Variants in FYTTD1 observed in about 807,000 individuals in gnomAD.
FYTTD1 encodes the protein forty-two-three domain containing 1.
A neutral mutation model predicts 40.9 loss-of-function variants in FYTTD1; 22 were observed. The ratio of observed to expected loss-of-function variants is 0.54; its 90% CI spans 0.38 to 0.77. FYTTD1 has a LOEUF of 0.77. FYTTD1 is among the 30% of genes least tolerant of loss of function. FYTTD1 has a pLI of 0.00. For synonymous variants in FYTTD1, 140 were observed against 137.9 expected, an observed-to-expected ratio of 1.01 and a Z score of -0.10; for missense variants, 351 against 392.2, an observed-to-expected ratio of 0.90 and a Z score of 0.89.
Position 197,781,792 on chromosome 3 carries a change from G to GT in FYTTD1, c.859-12dup. Reference sequence around the variant, plus strand: ...TAATTGTTGCTTTGTTGTTGTTTTTGTTTTTTTCTTTTCTCTAGACAGGGA... The same window carrying GT: ...TAATTGTTGCTTTGTTGTTGTTTTTGTTTTTTTTCTTTTCTCTAGACAGGGA... On this transcript the variant is annotated intron_variant, in intron 8 of 8. Coordinates refer to ENST00000241502, the MANE Select transcript of FYTTD1 (RefSeq NM_032288.7). 2.6e-6 allele frequency: 4 copies of GT among 1,565,202 alleles called. No homozygotes were observed. Among genetic ancestry groups the GT allele is most frequent in the African/African-American group, 1.4e-5 (1 of 73,500 alleles).
chr3:197,759,633 G>A (rs1252251233), intron 2 of FYTTD1, among the ~76,000 whole-genome samples: 1 of 151,612 alleles, frequency 6.6e-6, no homozygotes, highest in African/African-American at 2.4e-5. Flanking sequence ...TTGTTCTTCA[G>A]TGGTAGAACG....
chr3:197,764,400 A>G (rs1233981949), intron 2 of FYTTD1, among the ~76,000 whole-genome samples: 4 of 152,212 alleles, frequency 2.6e-5, no homozygotes, highest in African/African-American at 9.6e-5. Context: ...AACGAATCAT[A>G]TAGGCCTGAT....
At chr3:197,766,131 C>A (rs1461652143) in intron 2 of FYTTD1, among the ~76,000 whole-genome samples, 1 of 149,908 alleles carries the variant, frequency 6.7e-6, no homozygotes, top group Non-Finnish European at 1.5e-5. Flanking sequence ...CCATTGCACT[C>A]CAGCCTGGGC....
chr3:197,779,135 C>T (rs955417672), intron 8 of FYTTD1, among the ~76,000 whole-genome samples: 1 of 152,214 alleles, frequency 6.6e-6, no homozygotes, highest in Non-Finnish European at 1.5e-5. Flanking sequence ...TCAAAACCAA[C>T]CAGGTGCGGT....
intron 2 of FYTTD1, among the ~76,000 whole-genome samples, chr3:197,759,152 T>C (rs1309678342): frequency 6.6e-6 from 1 of 151,802 alleles, no homozygotes; most frequent in Non-Finnish European, 1.5e-5. Context: ...ATGTATAGAG[T>C]TGTTCCTCAG....
intron 2 of FYTTD1, among the ~76,000 whole-genome samples, chr3:197,765,222 C>T (rs533778288): frequency 4.3e-4 from 65 of 152,278 alleles, no homozygotes; most frequent in African/African-American, 1.5e-3. Context: ...GTCAGTCTTT[C>T]TCATCTAGTC....
chr3:197,782,056 A>T lies in FYTTD1; in HGVS notation c.*147A>T, dbSNP rs1468029388. On this transcript the variant is annotated 3_prime_UTR_variant, in exon 9 of 9. Coordinates refer to ENST00000241502, the MANE Select transcript of FYTTD1 (RefSeq NM_032288.7). ...TTATTTTTGAAGGTTTTTTTTTTTA[A>T]AAAAAAAAACGTATAAAATAATGCC... The T allele has an allele frequency of 4.7e-5, 21 of 445,906 alleles. No individual in the cohort carries two copies. Among genetic ancestry groups the T allele is most frequent in the East Asian group, 4.0e-4 (12 of 29,688 alleles). 27.6% of individuals were successfully genotyped at this position (445,906 alleles called of 1,614,324 possible). A position where few individuals can be genotyped will look rare whatever the true frequency, so the allele number is the denominator to read the frequency against.
chr3:197,774,244 C>G (rs1383190667), intron 6 of FYTTD1, 34 bp downstream of exon 6: 2 of 1,532,048 alleles, frequency 1.3e-6, no homozygotes, highest in Non-Finnish European at 1.8e-6. Context: ...GATGTTATTT[C>G]AAAACTCCCA....
rs557622550 is a variant in FYTTD1, at chr3:197,785,180, T to C, written c.*3271T>C. On this transcript the variant is annotated 3_prime_UTR_variant, in exon 9 of 9. Coordinates refer to ENST00000241502, the MANE Select transcript of FYTTD1 (RefSeq NM_032288.7). ...AAAGTCCAGTGTTCCTAATCAGATATGCATTTTTTAAAAACAGGCATAAAC... is the reference window on the plus strand; with the variant it reads ...AAAGTCCAGTGTTCCTAATCAGATACGCATTTTTTAAAAACAGGCATAAAC... 104 of 152,362 alleles carry C rather than the reference T, an allele frequency of 6.8e-4. No homozygotes were observed. Among genetic ancestry groups the C allele is most frequent in the African/African-American group, 2.5e-3 (103 of 41,592 alleles). 9.4% of individuals were successfully genotyped at this position (152,362 alleles called of 1,614,324 possible).
chr3:197,758,905 C>A (rs1729285112), intron 2 of FYTTD1, among the ~76,000 whole-genome samples: 1 of 152,188 alleles, frequency 6.6e-6, no homozygotes, highest in African/African-American at 2.4e-5. Context: ...GATGGCTGAA[C>A]AAGTCAATGA....
At chr3:197,777,711 A>T (rs1729916289) in intron 7 of FYTTD1, among the ~76,000 whole-genome samples, 1 of 151,732 alleles carries the variant, frequency 6.6e-6, no homozygotes, top group Non-Finnish European at 1.5e-5. Context: ...TGTTCTATTC[A>T]ACCATCTCTT....
At chr3:197,755,785 G>A in intron 1 of FYTTD1, 1 of 1,550,772 alleles carries the variant, frequency 6.4e-7, no homozygotes, top group Non-Finnish European at 8.7e-7. Flanking sequence ...ACCATGCCTG[G>A]CCGGAAGGGG....
intron 6 of FYTTD1, among the ~76,000 whole-genome samples, chr3:197,776,688 A>G (rs1321876190): frequency 2.0e-5 from 3 of 152,004 alleles, no homozygotes; most frequent in African/African-American, 2.4e-5. Context: ...CTTTTGTACT[A>G]TTTGATTTTT....
At position 197,783,322 on chromosome 3, in the gene FYTTD1, A is replaced by AT. The variant is rs1442337256; in HGVS notation, c.*1415dup. Reference sequence around the variant, plus strand: ...ATAGGTGTTAGTTTCTCAGGAGTAGATTGTTAGTGTTGACTTTTCCTGTAA... The same window carrying AT: ...ATAGGTGTTAGTTTCTCAGGAGTAGATTTGTTAGTGTTGACTTTTCCTGTAA... On this transcript the variant is annotated 3_prime_UTR_variant, in exon 9 of 9. Transcript: ENST00000241502. 30 of 152,644 alleles carry AT rather than the reference A, an allele frequency of 2.0e-4. No homozygotes were observed. The highest frequency in any genetic ancestry group is 6.3e-4 in the African/African-American group (26 of 41,532). The allele number at this position is 152,644 out of a possible 1,614,324, so 9.5% of individuals were successfully genotyped here. A position where few individuals can be genotyped will look rare whatever the true frequency, so the allele number is the denominator to read the frequency against.
intron 2 of FYTTD1, among the ~76,000 whole-genome samples, chr3:197,766,856 G>C (rs377723307): frequency 6.6e-6 from 1 of 152,156 alleles, no homozygotes; most frequent in East Asian, 1.9e-4. Flanking sequence ...ATAAAATTGA[G>C]AATTACTACA....
At chr3:197,755,437 G>A (rs968908352) in intron 1 of FYTTD1, among the ~76,000 whole-genome samples, 39 of 151,540 alleles carry the variant, frequency 2.6e-4, no homozygotes, top group African/African-American at 9.4e-4. Flanking sequence ...TTGGAAGGTG[G>A]TCATCTTTTT....
In FYTTD1 at chr3:197,783,830, C is replaced by A. The variant is rs1188260763; in HGVS notation, c.*1921C>A. The A allele has an allele frequency of 2.6e-5, 4 of 152,552 alleles. No individual in the cohort carries two copies. Among genetic ancestry groups the A allele is most frequent in the African/African-American group, 9.7e-5 (4 of 41,434 alleles). 9.4% of individuals were successfully genotyped at this position (152,552 alleles called of 1,614,324 possible). A position where few individuals can be genotyped will look rare whatever the true frequency, so the allele number is the denominator to read the frequency against. On this transcript the variant is annotated 3_prime_UTR_variant, in exon 9 of 9. Coordinates refer to ENST00000241502, the MANE Select transcript of FYTTD1 (RefSeq NM_032288.7). ...CTATTATTGTATAGAGCTATTCATG[C>A]CATTTTTTGGGAAAACTTTAAAAAT...
At chr3:197,755,780 G>T (rs760336770) in intron 1 of FYTTD1, 2 of 1,550,396 alleles carry the variant, frequency 1.3e-6, no homozygotes, top group South Asian at 2.4e-5. Flanking sequence ...GAGTCACCAT[G>T]CCTGGCCGGA....
At chr3:197,758,912 A>G (rs186886885) in intron 2 of FYTTD1, among the ~76,000 whole-genome samples, 29 of 152,392 alleles carry the variant, frequency 1.9e-4, no homozygotes, top group Admixed American at 1.3e-3. Flanking sequence ...GAACAAGTCA[A>G]TGAATGAAAT....
Sources: allele counts gnomAD v4.1 joint callset (sites outside exome capture counted in the v4.1 genomes callset), GRCh38; gene constraint gnomAD v4.1.1; transcripts MANE v1.5; gene names NCBI Gene and HGNC (gene_info 2026-07-23, HGNC 2026-07-21).